Variants in DNM3 observed in about 807,000 individuals in gnomAD.
DNM3 encodes the protein dynamin-3.
A neutral mutation model predicts 101.6 loss-of-function variants in DNM3; 47 were observed. The ratio of observed to expected loss-of-function variants is 0.46; its 90% confidence interval spans 0.37 to 0.59. DNM3 has a LOEUF of 0.59. DNM3 is among the 20% of genes least tolerant of loss of function. The pLI, the probability that DNM3 is intolerant of heterozygous loss-of-function variation, is 0.00. For synonymous variants in DNM3, 385 were observed against 387.9 expected (o/e 0.99, Z 0.09); for missense variants, 849 against 1,085.7 (o/e 0.78, Z 3.06).
intron 10 of DNM3, among the ~76,000 whole-genome samples, chr1:172,055,893 C>A (rs978406417): frequency 1.3e-5 from 2 of 152,190 alleles, no homozygotes; most frequent in Admixed American, 1.3e-4. Context: ...ATGAGCGACG[C>A]AGAAGACTGG....
At chr1:172,311,207 G>A (rs1366950693) in intron 16 of DNM3, 1 of 151,922 alleles carries the variant, frequency 6.6e-6, no homozygotes, top group East Asian at 1.9e-4. Flanking sequence ...TAACAGCTAG[G>A]GGAAGGTTGA....
intron 1 of DNM3, among the ~76,000 whole-genome samples, chr1:171,880,152 G>C (rs776547805): frequency 2.6e-5 from 4 of 152,204 alleles, no homozygotes; most frequent in African/African-American, 4.8e-5. Context: ...AGATGCTTTT[G>C]TGTTATTTCC....
intron 16 of DNM3, among the ~76,000 whole-genome samples, chr1:172,319,021 T>C (rs12072975): frequency 0.011 from 1,638 of 152,068 alleles, 28 homozygotes; most frequent in African/African-American, 0.037. Context: ...AACAGCATGG[T>C]ACTGGTACCA....
rs1051583712 is a variant in DNM3 at position 172,412,568 on chromosome 1, G to T, written c.*4727G>T. 3 of 985,538 alleles carry T rather than the reference G, an allele frequency of 3.0e-6. No homozygotes were observed. The African/African-American group carries it at 5.2e-5, about 17-fold the overall frequency. The allele number at this position is 985,538 out of a possible 1,614,324, so 61.0% of individuals were successfully genotyped here. A position where few individuals can be genotyped will look rare whatever the true frequency, so the allele number is the denominator to read the frequency against. ...TTCCACTGTCTTCTTGGCACTTTCA[G>T]GATTTCTTAATGCTGATATATGGAC... is the stretch of plus-strand genomic sequence containing the variant. On this transcript the variant is annotated 3_prime_UTR_variant, in exon 21 of 21. Coordinates refer to ENST00000627582, the MANE Select transcript of DNM3 (RefSeq NM_015569.5).
chr1:172,054,013 A>C (rs2050392898), intron 10 of DNM3, among the ~76,000 whole-genome samples: 1 of 152,156 alleles, frequency 6.6e-6, no homozygotes, highest in South Asian at 2.1e-4. Flanking sequence ...CACTGGAGTA[A>C]TAGGAGTAAA....
intron 13 of DNM3, among the ~76,000 whole-genome samples, chr1:172,099,023 A>G (rs960952940): frequency 6.6e-6 from 1 of 152,220 alleles, no homozygotes; most frequent in Admixed American, 6.5e-5. Flanking sequence ...GGAAGGTGGC[A>G]TAAAGCTGAG....
intron 1 of DNM3, among the ~76,000 whole-genome samples, chr1:171,842,561 G>C (rs1422501692): frequency 6.6e-6 from 1 of 152,102 alleles, no homozygotes; most frequent in Non-Finnish European, 1.5e-5. Context: ...GGGTGGACGT[G>C]GACTTATGTT....
rs763948595 is a variant in DNM3 at position 171,902,043 on chromosome 1, A to T, written c.162-19705A>T. Among the ~76,000 whole-genome samples the T allele has an allele frequency of 2.0e-5, 3 of 152,332 alleles. No homozygotes were observed. In the South Asian group the frequency reaches 6.2e-4, roughly 32 times the overall value. Reference sequence around the variant, plus strand: ...CACATTTAAAAAAATAATAATTTTCAATCTGTATTGCCCTGTGAAATCATA... The same window carrying T: ...CACATTTAAAAAAATAATAATTTTCTATCTGTATTGCCCTGTGAAATCATA... On this transcript the variant is annotated intron_variant, in intron 1 of 20. Coordinates refer to ENST00000627582, the MANE Select transcript of DNM3 (RefSeq NM_015569.5).
intron 14 of DNM3, among the ~76,000 whole-genome samples, chr1:172,182,633 A>G (rs1356901179): frequency 1.3e-5 from 2 of 152,150 alleles, no homozygotes; most frequent in Non-Finnish European, 2.9e-5. Context: ...AAAGTGGAGC[A>G]TAGAGAGGCC....
At chr1:172,343,913 A>T (rs1009449971) in intron 17 of DNM3, among the ~76,000 whole-genome samples, 1 of 152,206 alleles carries the variant, frequency 6.6e-6, no homozygotes, top group Non-Finnish European at 1.5e-5. Context: ...TTCCCTGAAG[A>T]AAGCTTAAGA....
chr1:172,314,867 G>A (rs1452191258), intron 16 of DNM3, among the ~76,000 whole-genome samples: 1 of 152,170 alleles, frequency 6.6e-6, no homozygotes, highest in Non-Finnish European at 1.5e-5. Flanking sequence ...GTCCCTGTCT[G>A]ACAGCTTTGA....
rs2040709074 is a variant in DNM3 at position 171,927,920 on chromosome 1, A to C, written c.235+6099A>C. 2.6e-5 allele frequency among the ~76,000 whole-genome samples: 4 copies of C among 152,210 alleles called. No individual in the cohort carries two copies. The South Asian group carries it at 8.3e-4, about 32-fold the overall frequency. ...TTAGAGGACATATAATACTCTGGCC[A>C]TTTGAGTTACTGGAGTTCTTGCTTT... On this transcript the variant is annotated intron_variant, in intron 2 of 20. Transcript: ENST00000627582.
chr1:172,403,746 T>C lies in DNM3; in HGVS notation c.2523-4026T>C, dbSNP rs573067209. Among the ~76,000 whole-genome samples the C allele has an allele frequency of 7.2e-5, 11 of 152,238 alleles. No individual in the cohort carries two copies. In the South Asian group the frequency reaches 2.3e-3, roughly 32 times the overall value. ...AAACCGCCCACATACAACACAGTGT[T>C]TCAATAAACACTAAGTGATACAAGA... On this transcript the variant is annotated intron_variant, in intron 20 of 20. Transcript: ENST00000627582.
chr1:172,382,781 C>T (rs569346136), intron 18 of DNM3, among the ~76,000 whole-genome samples: 1 of 152,114 alleles, frequency 6.6e-6, no homozygotes, highest in African/African-American at 2.4e-5. Flanking sequence ...TTTAAGCAAA[C>T]CCAGATAATA....
At chr1:172,029,806 A>G (rs1313323925) in intron 4 of DNM3, among the ~76,000 whole-genome samples, 1 of 152,186 alleles carries the variant, frequency 6.6e-6, no homozygotes, top group Non-Finnish European at 1.5e-5. Context: ...CCCATTCATG[A>G]TTGCTACAAA....
intron 14 of DNM3, among the ~76,000 whole-genome samples, chr1:172,183,913 G>GA (rs1553409170): frequency 1.4e-5 from 2 of 139,304 alleles, no homozygotes; most frequent in African/African-American, 5.2e-5. Context: ...TGGCTTCAAA[G>GA]TTTTTTTTTT....
At chr1:172,143,493 G>C (rs553096598) in intron 14 of DNM3, among the ~76,000 whole-genome samples, 1 of 152,082 alleles carries the variant, frequency 6.6e-6, no homozygotes. Context: ...TCAGCTTGAG[G>C]GTTTTCTTCC....
intron 16 of DNM3, among the ~76,000 whole-genome samples, chr1:172,315,370 G>A (rs531613649): frequency 7.2e-5 from 11 of 152,296 alleles, no homozygotes; most frequent in Admixed American, 3.3e-4. Context: ...CACCAGCAAC[G>A]GAACAAAGCT....
chr1:172,412,896 CA>C (rs968797692), downstream of DNM3, among the ~76,000 whole-genome samples: 1 of 152,062 alleles, frequency 6.6e-6, no homozygotes, highest in Non-Finnish European at 1.5e-5. Flanking sequence ...TTAAAGGGAA[CA>C]AATTGGATAA....
Sources: gnomAD v4.1 joint callset for allele counts (sites outside exome capture counted in the v4.1 genomes callset) on GRCh38, gnomAD v4.1.1 for gene constraint, MANE v1.5 for transcripts, NCBI Gene and HGNC (gene_info 2026-07-23, HGNC 2026-07-21) for gene names.